NAPA: variants seen among roughly 807,000 people sequenced by gnomAD.
NAPA encodes alpha-soluble NSF attachment protein.
A neutral mutation model predicts 48.0 loss-of-function variants in NAPA; 18 were observed. The observed-to-expected ratio is 0.38, with a 90% CI of 0.26 to 0.56. The LOEUF is 0.56. NAPA is among the 20% of genes least tolerant of loss of function. NAPA has a pLI of 0.77. For synonymous variants in NAPA, 152 were observed against 149.9 expected, an observed-to-expected ratio of 1.01 and a Z score of -0.10; for missense variants, 315 against 385.0, an observed-to-expected ratio of 0.82 and a Z score of 1.52.
At chr19:47,487,196 G>A (rs559475753), downstream of NAPA, among the ~76,000 whole-genome samples, 10 of 152,188 alleles carry the variant, frequency 6.6e-5, no homozygotes, top group East Asian at 1.9e-4. Context: ...TTCCTCCCCC[G>A]TCCTGTGACA....
intron 2 of NAPA, 29 bp downstream of exon 2, chr19:47,503,394 T>C (rs751758288): frequency 8.1e-6 from 13 of 1,603,386 alleles, no homozygotes; most frequent in Non-Finnish European, 1.1e-5. Context: ...GGAGAGCACC[T>C]TGGAGGAGCT....
chr19:47,490,287 T>A (rs955367365), intron 9 of NAPA, among the ~76,000 whole-genome samples: 3 of 144,820 alleles, frequency 2.1e-5, no homozygotes, highest in African/African-American at 5.1e-5. Context: ...CTGTGCAATG[T>A]GTTTTGTGTG....
At chr19:47,508,106 G>A (rs698700) in intron 1 of NAPA, among the ~76,000 whole-genome samples, 130,143 of 152,128 alleles carry the variant, frequency 0.86, 56,972 homozygotes, top group Non-Finnish European at 0.95. Flanking sequence ...TCTCTGCTGG[G>A]GCTGCGTGGA....
intron 1 of NAPA, among the ~76,000 whole-genome samples, chr19:47,507,897 G>C (rs1968724276): frequency 6.6e-6 from 1 of 152,194 alleles, no homozygotes; most frequent in Non-Finnish European, 1.5e-5. Context: ...CTTGGAAAGA[G>C]GACTGGGGCC....
rs1968246580 is a variant in NAPA at position 47,490,826 on chromosome 19, G to A, written c.697C>T (p.Pro233Ser). 6 of 1,613,792 alleles carry A rather than the reference G, an allele frequency of 3.7e-6. No individual in the cohort carries two copies. Among genetic ancestry groups the A allele is most frequent in the Non-Finnish European group, 5.1e-6 (6 of 1,179,832 alleles). Residue 233 changes from proline (P) to serine (S), a missense_variant, in exon 9 of 11, where the codon CCA becomes TCA. By Grantham distance (74) the Pro-to-Ser change is moderately conservative. Coordinates refer to ENST00000263354, the MANE Select transcript of NAPA (RefSeq NM_003827.4). ...CATTCCCGGGAATCAGAGAAAGCTG[G>A]GAACAGCTCCTCATACTTTTGGACA... ...LAVQKYEELF[P>S]AFSDSRECKL...
At position 47,514,989 on chromosome 19, in the gene NAPA, G is replaced by C. The variant is rs531273163; in HGVS notation, c.-49C>G. The C allele has an allele frequency of 4.4e-6, 7 of 1,575,018 alleles. No homozygotes were observed. Among genetic ancestry groups the C allele is most frequent in the Non-Finnish European group, 6.1e-6 (7 of 1,151,900 alleles). Reference sequence around the variant, plus strand: ...AAGCGCCTGACCCTGACCCTGGGAAGACTCAGCCGCGGCCGGGCCGCGGAA... The same window carrying C: ...AAGCGCCTGACCCTGACCCTGGGAACACTCAGCCGCGGCCGGGCCGCGGAA... On this transcript the variant is annotated 5_prime_UTR_variant, in exon 1 of 11. Coordinates refer to ENST00000263354, the MANE Select transcript of NAPA (RefSeq NM_003827.4).
intron 8 of NAPA, 80 bp from the exon 9 acceptor site, chr19:47,490,936 G>T: frequency 1.6e-6 from 2 of 1,263,358 alleles, no homozygotes; most frequent in East Asian, 2.4e-5. Context: ...GAGGGGACTT[G>T]GGGATGTCGG....
chr19:47,507,924 G>T (rs770398684), intron 1 of NAPA, among the ~76,000 whole-genome samples: 1 of 152,172 alleles, frequency 6.6e-6, no homozygotes, highest in Non-Finnish European at 1.5e-5. Flanking sequence ...ATCCAGTCCT[G>T]CCCTTGCCTC....
intron 3 of NAPA, chr19:47,497,491 G>A (rs749420657): frequency 1.3e-5 from 2 of 152,556 alleles, no homozygotes; most frequent in Admixed American, 6.5e-5. Flanking sequence ...GCTCCTGGAC[G>A]AGCTTCTGAC....
intron 4 of NAPA, among the ~76,000 whole-genome samples, chr19:47,494,716 T>C (rs1219735062): frequency 1.6e-5 from 2 of 121,838 alleles, no homozygotes; most frequent in Non-Finnish European, 3.2e-5. Flanking sequence ...CCAGCCTAGA[T>C]GAGAGAGAAA....
intron 1 of NAPA, among the ~76,000 whole-genome samples, chr19:47,504,425 AAG>A (rs756022122): frequency 6.6e-6 from 1 of 151,066 alleles, no homozygotes. Context: ...AAAAAAGAGA[AAG>A]AGAGTGAAAA....
At chr19:47,495,929 G>A in intron 3 of NAPA, 1 of 323,812 alleles carries the variant, frequency 3.1e-6, no homozygotes, top group South Asian at 3.1e-5. Context: ...CCAGGATGAT[G>A]GCCAGACTCC....
chr19:47,492,999 GCAGCGCAGCGTAAC>G lies in NAPA; in HGVS notation c.509_522del (p.Gly170AlafsTer9), dbSNP rs1968319862. The G allele has an allele frequency of 6.2e-7, 1 of 1,614,074 alleles. No individual in the cohort carries two copies. Among genetic ancestry groups the G allele is most frequent in the Admixed American group, 1.7e-5 (1 of 60,012 alleles). On this transcript the variant is annotated frameshift_variant, in exon 7 of 11. Coordinates refer to ENST00000263354, the MANE Select transcript of NAPA (RefSeq NM_003827.4). LOFTEE classifies it high-confidence loss of function. ...TCAATGGCCTTCTGATACTGCTCCA[GCAGCGCAGCGTAAC>G]CAGCCACCTTCAGCAGACACTTGTT...
At chr19:47,502,354 G>A (rs1311843209) in intron 2 of NAPA, among the ~76,000 whole-genome samples, 1 of 151,718 alleles carries the variant, frequency 6.6e-6, no homozygotes, top group Non-Finnish European at 1.5e-5. Flanking sequence ...AAATTTTAGG[G>A]GAAAAGCAAC....
intron 7 of NAPA, 118 bp from the exon 8 acceptor site, chr19:47,492,237 G>A: frequency 1.2e-6 from 1 of 856,228 alleles, no homozygotes; most frequent in Middle Eastern, 3.0e-4. Context: ...GTGAGGCCCT[G>A]TTAACCCAGG....
chr19:47,504,597 A>AT (rs952380787), intron 1 of NAPA, among the ~76,000 whole-genome samples: 14 of 150,964 alleles, frequency 9.3e-5, no homozygotes, highest in African/African-American at 2.9e-4. Context: ...TACTGTCTGA[A>AT]TTTTTTTTTA....
chr19:47,495,691 C>A, intron 3 of NAPA, 95 bp from the exon 4 acceptor site: 1 of 1,191,652 alleles, frequency 8.4e-7, no homozygotes, highest in Non-Finnish European at 1.3e-6. Context: ...ACCTGGCTGC[C>A]AGCAGAGAGA....
intron 3 of NAPA, chr19:47,496,247 C>G (rs1968419696): frequency 6.5e-6 from 1 of 153,388 alleles, no homozygotes; most frequent in South Asian, 2.1e-4. Flanking sequence ...TGCTCAGTCC[C>G]TTTAACCTAG....
chr19:47,511,471 T>A (rs1791482584), intron 1 of NAPA, among the ~76,000 whole-genome samples: 1 of 152,146 alleles, frequency 6.6e-6, no homozygotes. Flanking sequence ...CCAGCTCTTT[T>A]TTTCACATAT....
Sources: gnomAD v4.1 joint callset for allele counts (sites outside exome capture counted in the v4.1 genomes callset) on GRCh38, gnomAD v4.1.1 for gene constraint, MANE v1.5 for transcripts, NCBI Gene and HGNC (gene_info 2026-07-23, HGNC 2026-07-21) for gene names.